ULK1: variants seen among roughly 807,000 people sequenced by gnomAD.
ULK1 encodes the protein unc-51 like autophagy activating kinase 1.
ULK1 carries 48 observed loss-of-function variants against 117.5 expected under a neutral mutation model. That is an observed-to-expected ratio of 0.41 (90% CI 0.32 to 0.52). The LOEUF (loss-of-function observed/expected upper bound fraction) is 0.52, where lower values mean the gene tolerates loss of function less well. Ranked by LOEUF, ULK1 falls within the 20% of genes least tolerant of loss-of-function variation. The pLI is 0.29. For missense variants in ULK1, 1,387 were observed against 1,473.4 expected (o/e 0.94, Z 0.96); for synonymous variants, 790 against 637.8 (o/e 1.24, Z -3.60).
At chr12:131,918,822 AGAGTGTGTGGG>A (rs1411310673) in intron 23 of ULK1, 141 bp downstream of exon 23, 45 of 19,628 alleles carry the variant, frequency 2.3e-3, no homozygotes, top group Non-Finnish European at 2.2e-3. Context: ...TGTGGGGTGT[AGAGTGTGTGGG>A]GTGTGGGGTG....
rs532978027 is a variant in ULK1 at position 131,910,183 on chromosome 12, C to T, written c.809-71C>T. ...GTGCCCAACGCGGCTGGAGCTCAGG[C>T]CGTGGGGAGGCAGGGGCCTGGGGTC... On this transcript the variant is annotated intron_variant, in intron 10 of 27. Coordinates refer to ENST00000321867, the MANE Select transcript of ULK1 (RefSeq NM_003565.4). The T allele has an allele frequency of 1.5e-5, 24 of 1,599,622 alleles. No individual in the cohort carries two copies. In the African/African-American group the frequency reaches 1.9e-4, roughly 12 times the overall value.
rs1889133766 is a variant in ULK1 at position 131,902,695 on chromosome 12, G to A, written c.247-4197G>A. Among the ~76,000 whole-genome samples, 1 of 152,142 alleles carries A rather than the reference G, an allele frequency of 6.6e-6. No homozygotes were observed. Among genetic ancestry groups the A allele is most frequent in the African/African-American group, 2.4e-5 (1 of 41,422 alleles). On this transcript the variant is annotated intron_variant, in intron 3 of 27. Coordinates refer to ENST00000321867, the MANE Select transcript of ULK1 (RefSeq NM_003565.4). This position sits in a 1 kb window ranked among gnomAD's most constrained non-coding sequence, Gnocchi z 6.3. The stretch of plus-strand genomic sequence containing the variant: ...AGTTGGGACCCACCTCCCGGGGTGG[G>A]GGTGATGGTGCAGGGAGCCTGGTGT...
intron 13 of ULK1, 95 bp downstream of exon 13, chr12:131,912,184 C>A: frequency 6.7e-7 from 1 of 1,482,580 alleles, no homozygotes; most frequent in Non-Finnish European, 9.0e-7. Flanking sequence ...CACATTTCCA[C>A]TTATGGGCAG....
intron 16 of ULK1, 131 bp from the exon 17 acceptor site, chr12:131,914,952 T>A: frequency 7.5e-7 from 1 of 1,338,884 alleles, no homozygotes; most frequent in Non-Finnish European, 1.0e-6. Context: ...TGTAGCCACT[T>A]GGCGTGGCAT....
chr12:131,916,230 A>G, intron 19 of ULK1, 71 bp downstream of exon 19: 3 of 1,564,878 alleles, frequency 1.9e-6, no homozygotes, highest in South Asian at 1.2e-5. Flanking sequence ...CCAGTCCTGA[A>G]CAAAGACCGA....
At chr12:131,899,843 G>T (rs959885364) in intron 3 of ULK1, among the ~76,000 whole-genome samples, 3 of 152,148 alleles carry the variant, frequency 2.0e-5, no homozygotes, top group African/African-American at 7.2e-5. Flanking sequence ...CTGTTGGCTG[G>T]GTGCAGTGGC....
At chr12:131,918,907 A>C (rs201986846) in intron 23 of ULK1, among the ~76,000 whole-genome samples, 34 of 4,362 alleles carry the variant, frequency 7.8e-3, no homozygotes, top group African/African-American at 0.024. Flanking sequence ...TGTGGGGTGT[A>C]GGGTGTGTGG....
intron 3 of ULK1, chr12:131,898,127 G>A (rs1888949621): frequency 6.6e-6 from 1 of 152,332 alleles, no homozygotes; most frequent in African/African-American, 2.4e-5. Context: ...CGGGTTGGAG[G>A]AGCCATCGTG....
intron 10 of ULK1, 112 bp downstream of exon 10, chr12:131,910,113 T>A (rs1341125802): frequency 1.9e-6 from 3 of 1,562,844 alleles, no homozygotes; most frequent in Non-Finnish European, 2.6e-6. Context: ...CACTGCCCTT[T>A]CCACAAGCCA....
intron 13 of ULK1, among the ~76,000 whole-genome samples, chr12:131,912,824 G>T (rs928671419): frequency 6.6e-6 from 1 of 152,118 alleles, no homozygotes; most frequent in African/African-American, 2.4e-5. Flanking sequence ...GGGAACCTGG[G>T]TATTCCTGGA....
At position 131,895,127 on chromosome 12, in the gene ULK1, C is replaced by T; in HGVS notation, c.111+15C>T. The T allele has an allele frequency of 6.6e-7, 1 of 1,512,160 alleles. No homozygotes were observed. The allele number at this position is 1,512,160 out of a possible 1,614,324, so 93.7% of individuals were successfully genotyped here. Reference sequence around the variant, plus strand: ...GCCACCGCGAGGTGAGGCCCCCGTCCGGCCCGGGATCCCCCGCCCAGGATC... The same window carrying T: ...GCCACCGCGAGGTGAGGCCCCCGTCTGGCCCGGGATCCCCCGCCCAGGATC... On this transcript the variant is annotated intron_variant, in intron 1 of 27. Coordinates refer to ENST00000321867, the MANE Select transcript of ULK1 (RefSeq NM_003565.4).
rs764410520 is a variant in ULK1 at position 131,918,633 on chromosome 12, G to C, written c.2463G>C (p.Gly821=). Residue 821 remains glycine, a synonymous_variant, in exon 23 of 28, where the codon GGG becomes GGC. Coordinates refer to ENST00000321867, the MANE Select transcript of ULK1 (RefSeq NM_003565.4). ...ACCCCATTACTGCGAACCTGGAGGG[G>C]GCTGTGACCTTCGAGGCCCCCGACC... ...FADPITANLE[G]AVTFEAPDLP... The C allele has an allele frequency of 8.1e-6, 13 of 1,610,066 alleles. No homozygotes were observed. Among genetic ancestry groups the C allele is most frequent in the Non-Finnish European group, 1.1e-5 (13 of 1,178,704 alleles).
chr12:131,915,115 GC>G lies in ULK1; in HGVS notation c.1411del (p.Leu471TrpfsTer176). 6.4e-7 allele frequency: 1 copy of G among 1,574,350 alleles called. No homozygotes were observed. Among genetic ancestry groups the G allele is most frequent in the African/African-American group, 1.4e-5 (1 of 73,528 alleles). On this transcript the variant is annotated frameshift_variant, in exon 17 of 28. Transcript: ENST00000321867. LOFTEE classifies it high-confidence loss of function. ...GCCATCCGCAGGTCAGGCAGCACCA[GC>G]CCCCTGGGCTTTGCAAGGGCCAGCC... is the stretch of plus-strand genomic sequence containing the variant. ...SSAIRRSGST[S>X]PLGFARASPS...
chr12:131,907,007 G>A, intron 4 of ULK1, 83 bp downstream of exon 4: 2 of 1,575,584 alleles, frequency 1.3e-6, no homozygotes. Flanking sequence ...TGGCTGGGGG[G>A]AGGGTGATGA....
chr12:131,910,384 T>C, intron 11 of ULK1, 80 bp downstream of exon 11: 1 of 1,583,264 alleles, frequency 6.3e-7, no homozygotes, highest in Non-Finnish European at 8.7e-7. Flanking sequence ...GGGCACTGAG[T>C]GTGGGGCAGA....
rs562235751 is a variant in ULK1, at chr12:131,896,282, C to G, written c.246+458C>G. On this transcript the variant is annotated intron_variant, in intron 3 of 27. Transcript: ENST00000321867. The stretch of plus-strand genomic sequence containing the variant: ...GACTCCTGCTCGCTGGCAGTCAGGG[C>G]CGGGCCGGGGCACAGGCGGCTGCCG... Among the ~76,000 whole-genome samples, 913 of 152,310 alleles carry G rather than the reference C, an allele frequency of 6.0e-3. 41 individuals are homozygous for G. The East Asian group carries it at 0.13, about 21-fold the overall frequency.
At position 131,915,435 on chromosome 12, in the gene ULK1, G is replaced by T. The variant is rs372576017; in HGVS notation, c.1609+14G>T. ...CCCCTCGTCCAGGTGGGTGCAGTCC[G>T]GAGGGGGGAGGGGGTGCTAGGCTGA... On this transcript the variant is annotated intron_variant, in intron 18 of 27. Coordinates refer to ENST00000321867, the MANE Select transcript of ULK1 (RefSeq NM_003565.4). 6.2e-7 allele frequency: 1 copy of T among 1,610,808 alleles called. No homozygotes were observed. Among genetic ancestry groups the T allele is most frequent in the Non-Finnish European group, 8.5e-7 (1 of 1,179,566 alleles).
intron 2 of ULK1, 30 bp from the exon 3 acceptor site, chr12:131,895,753 A>G (rs1566111387): frequency 3.1e-6 from 5 of 1,613,980 alleles, no homozygotes; most frequent in Non-Finnish European, 4.2e-6. Context: ...CCCTCCCCAC[A>G]CTGATAACAA....
rs1056536653 is a variant in ULK1, at chr12:131,921,827, A to G, written c.*466A>G. ...CCGAGATACCCACCCAGCTTTGTCA[A>G]TCACCCAAGCACTTTATGCATATAG... On this transcript the variant is annotated 3_prime_UTR_variant, in exon 28 of 28. Coordinates refer to ENST00000321867, the MANE Select transcript of ULK1 (RefSeq NM_003565.4). 8.4e-6 allele frequency: 4 copies of G among 474,598 alleles called. No individual in the cohort carries two copies. Among genetic ancestry groups the G allele is most frequent in the African/African-American group, 2.0e-5 (1 of 50,824 alleles). The allele number at this position is 474,598 out of a possible 1,614,324, so 29.4% of individuals were successfully genotyped here.
Sources: gnomAD v4.1 joint callset for allele counts (sites outside exome capture counted in the v4.1 genomes callset) on GRCh38, gnomAD v4.1.1 for gene constraint, Gnocchi (gnomAD v3.1) non-coding constraint, MANE v1.5 for transcripts, NCBI Gene and HGNC (gene_info 2026-07-23, HGNC 2026-07-21) for gene names.